The following ADGRV1 variants were observed in gnomAD, a reference collection of about 807,000 sequenced individuals.
The protein encoded by ADGRV1 is G-protein coupled receptor 98.
A neutral mutation model predicts 596.2 loss-of-function variants in ADGRV1; 359 were observed. That is an observed-to-expected ratio of 0.60 (90% confidence interval 0.55 to 0.66). The LOEUF (loss-of-function observed/expected upper bound fraction) is 0.66. ADGRV1 is among the 30% of genes least tolerant of loss of function. The pLI, the probability that ADGRV1 is intolerant of heterozygous loss-of-function variation, is 0.00. For synonymous variants in ADGRV1, 2,681 were observed against 2,679.2 expected, an observed-to-expected ratio of 1.00 and a Z score of -0.02; for missense variants, 7,274 against 7,575.6, an observed-to-expected ratio of 0.96 and a Z score of 1.48.
At chr5:90,783,404 C>A in intron 66 of ADGRV1, 79 bp downstream of exon 66, 2 of 966,610 alleles carry the variant, frequency 2.1e-6, no homozygotes, top group Non-Finnish European at 1.6e-6. Context: ...TTTGCACTGA[C>A]AATAGAACTT....
At chr5:90,674,498 TA>T (rs1258708180) in intron 23 of ADGRV1, 3 of 273,566 alleles carry the variant, frequency 1.1e-5, no homozygotes, top group Middle Eastern at 2.2e-3. Context: ...TTTCTGTTCA[TA>T]GCTATCAAAT....
chr5:91,163,877 C>T lies in ADGRV1; in HGVS notation c.18898C>T (p.Pro6300Ser). The T allele has an allele frequency of 1.9e-6, 3 of 1,584,238 alleles. No homozygotes were observed. Among genetic ancestry groups the T allele is most frequent in the Non-Finnish European group, 2.6e-6 (3 of 1,154,996 alleles). Residue 6300 changes from proline (P) to serine (S), a missense_variant, in exon 90 of 90, where the codon CCC becomes TCC. Transcript: ENST00000405460. ...DSQIVELRRI[P>S]IADTHL ...CCAGATCGTGGAGCTCAGGAGGATA[C>T]CCATCGCCGACACTCACCTGTAGCA...
chr5:90,665,695 A>G (rs1273167888), intron 21 of ADGRV1, among the ~76,000 whole-genome samples: 1 of 148,068 alleles, frequency 6.8e-6, no homozygotes, highest in African/African-American at 2.5e-5. Context: ...AGTCCTTTTA[A>G]TTGTGATGTT....
intron 72 of ADGRV1, among the ~76,000 whole-genome samples, chr5:90,806,811 A>G (rs1215642866): frequency 6.6e-6 from 1 of 152,136 alleles, no homozygotes; most frequent in African/African-American, 2.4e-5. Flanking sequence ...AAGTACAGTG[A>G]ACACCCATAA....
intron 83 of ADGRV1, among the ~76,000 whole-genome samples, chr5:90,928,030 G>A (rs375001228): frequency 1.3e-5 from 2 of 151,988 alleles, no homozygotes; most frequent in Non-Finnish European, 2.9e-5. Flanking sequence ...TCCCTTTGAG[G>A]GTAACCCGAC....
intron 25 of ADGRV1, among the ~76,000 whole-genome samples, chr5:90,677,827 G>A (rs1291862032): frequency 1.3e-5 from 2 of 152,140 alleles, no homozygotes; most frequent in Non-Finnish European, 2.9e-5. Flanking sequence ...TGGAGGAAAA[G>A]GAATTTATAC....
chr5:90,853,566 G>C, intron 80 of ADGRV1, 33 bp downstream of exon 80: 5 of 1,585,464 alleles, frequency 3.2e-6, no homozygotes, highest in Non-Finnish European at 4.3e-6. Context: ...TATGTGGTTG[G>C]AATCTGATTT....
intron 38 of ADGRV1, 84 bp downstream of exon 38, chr5:90,706,478 T>C: frequency 1.7e-6 from 2 of 1,177,800 alleles, no homozygotes; most frequent in South Asian, 3.4e-5. Context: ...AGTGTACAAG[T>C]GCACAATGTG....
chr5:90,827,666 A>G (rs1471672658), intron 76 of ADGRV1, among the ~76,000 whole-genome samples: 2 of 152,184 alleles, frequency 1.3e-5, no homozygotes, highest in Non-Finnish European at 2.9e-5. Flanking sequence ...GTATTTGCCA[A>G]ATGTAGTTTC....
chr5:90,808,907 A>G (rs1762157683), intron 73 of ADGRV1, among the ~76,000 whole-genome samples: 1 of 151,940 alleles, frequency 6.6e-6, no homozygotes, highest in African/African-American at 2.4e-5. Flanking sequence ...ATCAAAAACA[A>G]CAAGAAGTAG....
At chr5:90,736,171 A>G (rs1157150019) in intron 50 of ADGRV1, among the ~76,000 whole-genome samples, 2 of 151,940 alleles carry the variant, frequency 1.3e-5, no homozygotes, top group East Asian at 3.9e-4. Flanking sequence ...TTATTTTGAG[A>G]GCTTTTATCA....
At chr5:90,609,364 CAAAT>C (rs556484779) in intron 1 of ADGRV1, among the ~76,000 whole-genome samples, 180 of 151,882 alleles carry the variant, frequency 1.2e-3, no homozygotes, top group African/African-American at 3.3e-3. Context: ...AAAATAAAGA[CAAAT>C]AACATTAACT....
chr5:90,663,140 C>A (rs1456806931), intron 21 of ADGRV1, among the ~76,000 whole-genome samples: 1 of 149,866 alleles, frequency 6.7e-6, no homozygotes, highest in East Asian at 2.0e-4. Flanking sequence ...AATGGGATGG[C>A]TGGGTCAAAT....
At chr5:90,874,846 A>T (rs1297006553) in intron 83 of ADGRV1, among the ~76,000 whole-genome samples, 1 of 151,784 alleles carries the variant, frequency 6.6e-6, no homozygotes. Context: ...CGACAGCAAG[A>T]CTCTGTCTCA....
At chr5:90,783,676 TAATC>T (rs1416418584) in intron 66 of ADGRV1, among the ~76,000 whole-genome samples, 158 bp from the exon 67 acceptor site, 4 of 152,350 alleles carry the variant, frequency 2.6e-5, no homozygotes, top group South Asian at 2.1e-4. Flanking sequence ...ATATTGATGT[TAATC>T]ATTCATTCTT....
At chr5:90,716,868 T>C in intron 43 of ADGRV1, 139 bp downstream of exon 43, 1 of 636,524 alleles carries the variant, frequency 1.6e-6, no homozygotes. Flanking sequence ...ATGATTCATT[T>C]ACTATGTGAC....
chr5:90,957,588 A>G (rs1340455870), intron 83 of ADGRV1, among the ~76,000 whole-genome samples: 1 of 148,064 alleles, frequency 6.8e-6, no homozygotes, highest in African/African-American at 2.4e-5. Context: ...TATAGTATAT[A>G]TATAACATAT....
At chr5:90,712,453 G>GCTTC in intron 42 of ADGRV1, 25 bp downstream of exon 42, 1 of 1,535,998 alleles carries the variant, frequency 6.5e-7, no homozygotes, top group Non-Finnish European at 8.9e-7. Context: ...CTTATAAACA[G>GCTTC]CTTCCTCTCC....
chr5:90,704,670 G>T (rs1176393841), intron 36 of ADGRV1, among the ~76,000 whole-genome samples, 182 bp downstream of exon 36: 1 of 152,068 alleles, frequency 6.6e-6, no homozygotes, highest in African/African-American at 2.4e-5. Flanking sequence ...TATCTTTATA[G>T]ACTAGGAAAG....
Sources: gnomAD v4.1 joint callset for allele counts (sites outside exome capture counted in the v4.1 genomes callset) on GRCh38, gnomAD v4.1.1 for gene constraint, MANE v1.5 for transcripts, NCBI Gene and HGNC (gene_info 2026-07-23, HGNC 2026-07-21) for gene names.